The following MAD1L1 variants were observed in gnomAD, a reference collection of about 807,000 sequenced individuals.
MAD1L1 encodes the protein mitotic spindle assembly checkpoint protein MAD1.
MAD1L1 carries 95 observed loss-of-function variants against 96.9 expected under a neutral mutation model. That is an observed-to-expected ratio of 0.98 (90% CI 0.83 to 1.16). The LOEUF is 1.16. MAD1L1 is among the 50% of genes most tolerant of loss of function. The probability of loss-of-function intolerance (pLI) is 0.00; values close to 1 mark genes in which losing one functional copy is unlikely to be tolerated. For synonymous variants in MAD1L1, 473 were observed against 396.6 expected (o/e 1.19, Z -2.29); for missense variants, 1,007 against 954.4 (o/e 1.06, Z -0.73).
chr7:2,109,675 T>G (rs993418389), intron 11 of MAD1L1: 1 of 152,230 alleles, frequency 6.6e-6, no homozygotes, highest in Non-Finnish European at 1.5e-5. Flanking sequence ...TAAATAGTTT[T>G]AAACACTTCT....
intron 12 of MAD1L1, among the ~76,000 whole-genome samples, chr7:2,053,914 G>A (rs919546652): frequency 6.6e-6 from 1 of 152,384 alleles, no homozygotes; most frequent in Non-Finnish European, 1.5e-5. Flanking sequence ...CGAGGAGACA[G>A]CCTTATCTCA....
intron 10 of MAD1L1, among the ~76,000 whole-genome samples, chr7:2,197,481 G>A (rs1051795360): frequency 2.6e-5 from 4 of 152,002 alleles, no homozygotes; most frequent in East Asian, 1.9e-4. Context: ...CTCCCGCCCC[G>A]ACCCACGCAT....
intron 10 of MAD1L1, among the ~76,000 whole-genome samples, chr7:2,198,563 C>A (rs1389880101): frequency 1.3e-5 from 2 of 152,228 alleles, no homozygotes; most frequent in African/African-American, 4.8e-5. Context: ...TCGCGCTCTG[C>A]GGCACGAGGC....
At chr7:2,089,881 T>G (rs185643237) in intron 11 of MAD1L1, among the ~76,000 whole-genome samples, 54 of 152,204 alleles carry the variant, frequency 3.5e-4, no homozygotes, top group African/African-American at 1.2e-3. Flanking sequence ...AACACACACC[T>G]GCCATGAGAT....
intron 17 of MAD1L1, among the ~76,000 whole-genome samples, chr7:1,928,686 C>T (rs1388041442): frequency 1.3e-5 from 2 of 152,234 alleles, no homozygotes; most frequent in African/African-American, 4.8e-5. Context: ...CGGCATTGCA[C>T]GGTGTTTGTA....
intron 12 of MAD1L1, among the ~76,000 whole-genome samples, chr7:2,030,923 C>T (rs1034386131): frequency 6.6e-6 from 1 of 152,222 alleles, no homozygotes; most frequent in Non-Finnish European, 1.5e-5. Flanking sequence ...TGTTCTTCCT[C>T]ATTTTTGCCT....
At chr7:2,116,269 G>A (rs1787685555) in intron 11 of MAD1L1, among the ~76,000 whole-genome samples, 1 of 152,238 alleles carries the variant, frequency 6.6e-6, no homozygotes, top group Non-Finnish European at 1.5e-5. Context: ...GCAGGCGGCT[G>A]TGTGTGTGCC....
At chr7:1,995,421 G>A (rs370617165) in intron 14 of MAD1L1, among the ~76,000 whole-genome samples, 32 of 152,264 alleles carry the variant, frequency 2.1e-4, no homozygotes, top group East Asian at 1.2e-3. Flanking sequence ...GAGGCTCCCC[G>A]CTTCCTCTCT....
In MAD1L1 at chr7:1,939,326, T is replaced by C. The variant is rs1276962211; in HGVS notation, c.1597-2429A>G. On this transcript the variant is annotated intron_variant, in intron 16 of 18. Coordinates refer to ENST00000265854, the MANE Select transcript of MAD1L1 (RefSeq NM_001013836.2). The stretch of plus-strand genomic sequence containing the variant: ...GCACGCACACACATACACACACACA[T>C]ACACACACACACAGGCCAGGGCTGG... Among the ~76,000 whole-genome samples, 244 of 93,358 alleles carry C rather than the reference T, an allele frequency of 2.6e-3. 4 individuals are homozygous for C. The highest frequency in any genetic ancestry group is 0.018 in the Admixed American group (176 of 9,878). 61.2% of individuals were successfully genotyped at this position (93,358 alleles called of 152,430 possible).
chr7:1,877,922 A>G (rs969510571), intron 18 of MAD1L1, among the ~76,000 whole-genome samples: 1 of 152,168 alleles, frequency 6.6e-6, no homozygotes, highest in African/African-American at 2.4e-5. Flanking sequence ...GGAGAGAGAT[A>G]AAAAAATCGA....
At chr7:2,033,098 A>G (rs1783303445) in intron 12 of MAD1L1, among the ~76,000 whole-genome samples, 1 of 152,218 alleles carries the variant, frequency 6.6e-6, no homozygotes, top group Non-Finnish European at 1.5e-5. Flanking sequence ...GAACTCCGAG[A>G]GCTCACGCTC....
intron 16 of MAD1L1, among the ~76,000 whole-genome samples, chr7:1,947,943 C>G (rs906616998): frequency 1.3e-5 from 2 of 152,160 alleles, no homozygotes; most frequent in Admixed American, 1.3e-4. Context: ...GAGAGGGCAG[C>G]CTGAAGCAGA....
intron 15 of MAD1L1, among the ~76,000 whole-genome samples, chr7:1,979,522 A>G (rs1425554372): frequency 6.6e-6 from 1 of 152,240 alleles, no homozygotes; most frequent in Non-Finnish European, 1.5e-5. Flanking sequence ...CAGGCACCAA[A>G]GCGGAGCCCG....
Position 1,967,557 on chromosome 7 carries a change from C to T in MAD1L1, c.1506-9838G>A, listed in dbSNP as rs376807883. 1.2e-4 allele frequency among the ~76,000 whole-genome samples: 19 copies of T among 152,270 alleles called. 1 individual carries two copies. The highest frequency in any genetic ancestry group is 3.9e-4 in the African/African-American group (16 of 41,538). On this transcript the variant is annotated intron_variant, in intron 15 of 18. Coordinates refer to ENST00000265854, the MANE Select transcript of MAD1L1 (RefSeq NM_001013836.2). ...TGGCGGGAGGGTGTAGAAGCAGTGCCGTCCCAGGAGCCACAGGCATACCCA... is the reference window on the plus strand; with the variant it reads ...TGGCGGGAGGGTGTAGAAGCAGTGCTGTCCCAGGAGCCACAGGCATACCCA...
chr7:1,973,607 AG>A (rs950409109), intron 15 of MAD1L1, among the ~76,000 whole-genome samples: 1 of 151,892 alleles, frequency 6.6e-6, no homozygotes, highest in Non-Finnish European at 1.5e-5. Flanking sequence ...GACCACAGAC[AG>A]GGGGGTGCGA....
chr7:1,957,677 C>G lies in MAD1L1; in HGVS notation c.1548G>C (p.Glu516Asp), dbSNP rs1269876225. The change falls in exon 16 of 19, where the codon GAG becomes GAC. Residue 516 changes from glutamate to aspartate, a missense_variant. Coordinates refer to ENST00000265854, the MANE Select transcript of MAD1L1 (RefSeq NM_001013836.2). Reference sequence around the variant, plus strand: ...GTGCCTCCAGCATCCTCTTTTCCTCCTCCAGCCGACTCCGCTCGCCTTCCA... The same window carrying G: ...GTGCCTCCAGCATCCTCTTTTCCTCGTCCAGCCGACTCCGCTCGCCTTCCA... ...EELEGERSRLEEEKRMLEAQL... is the reference protein window; with the variant it reads ...EELEGERSRLDEEKRMLEAQL... 2 of 1,614,048 alleles carry G rather than the reference C, an allele frequency of 1.2e-6. No homozygotes were observed. Among genetic ancestry groups the G allele is most frequent in the Non-Finnish European group, 8.5e-7 (1 of 1,180,050 alleles).
intron 18 of MAD1L1, among the ~76,000 whole-genome samples, chr7:1,823,305 T>A (rs1354457651): frequency 6.6e-6 from 1 of 152,098 alleles, no homozygotes; most frequent in Non-Finnish European, 1.5e-5. Context: ...CAGAATTATG[T>A]TAAAAAAGAA....
intron 17 of MAD1L1, among the ~76,000 whole-genome samples, chr7:1,920,008 C>T (rs150312979): frequency 1.8e-4 from 1 of 5,424 alleles, no homozygotes; most frequent in Admixed American, 2.2e-3. Flanking sequence ...TCCAGTGACA[C>T]GGAGGTCCCC....
At chr7:2,111,928 G>GT (rs781111672) in intron 11 of MAD1L1, among the ~76,000 whole-genome samples, 3 of 152,240 alleles carry the variant, frequency 2.0e-5, no homozygotes, top group Non-Finnish European at 4.4e-5. Flanking sequence ...TCAAGGAAAA[G>GT]TAAGAGTTTA....
Sources: allele counts gnomAD v4.1 joint callset (sites outside exome capture counted in the v4.1 genomes callset), GRCh38; gene constraint gnomAD v4.1.1; transcripts MANE v1.5; gene names NCBI Gene and HGNC (gene_info 2026-07-23, HGNC 2026-07-21).